The following SEMA4C variants were observed in gnomAD, a reference collection of about 807,000 sequenced individuals.
The protein encoded by SEMA4C is semaphorin 4C, also known as semaphorin-4C.
Under a neutral mutation model 89.0 loss-of-function variants are expected in SEMA4C, and 19 were observed. That is an observed-to-expected ratio of 0.21 (90% CI 0.15 to 0.31). The LOEUF (loss-of-function observed/expected upper bound fraction) is 0.31, where lower values mean the gene tolerates loss of function less well. SEMA4C is among the 10% of genes least tolerant of loss of function. The probability of loss-of-function intolerance (pLI) is 1.00; values close to 1 mark genes in which losing one functional copy is unlikely to be tolerated. For missense variants in SEMA4C, 811 were observed against 1,107.0 expected, an observed-to-expected ratio of 0.73 and a Z score of 3.79; for synonymous variants, 428 against 472.7, an observed-to-expected ratio of 0.91 and a Z score of 1.23.
intron 1 of SEMA4C, chr2:96,868,393 C>A: frequency 1.0e-6 from 1 of 1,002,746 alleles, no homozygotes; most frequent in South Asian, 4.2e-5. Flanking sequence ...GGTAGGCGGT[C>A]GGGAAAGCCC....
upstream of SEMA4C, chr2:96,870,124 T>TG (rs1039508994): frequency 6.1e-4 from 593 of 967,222 alleles, 4 homozygotes; most frequent in African/African-American, 8.0e-3. Flanking sequence ...GACGTCAGGC[T>TG]GGGGGGGTCG....
At chr2:96,867,411 T>C (rs2080100437) in intron 2 of SEMA4C, among the ~76,000 whole-genome samples, 1 of 152,106 alleles carries the variant, frequency 6.6e-6, no homozygotes, top group South Asian at 2.1e-4. Flanking sequence ...GTATGATGTG[T>C]ACAGGGCAGT....
chr2:96,869,506 C>T, intron 1 of SEMA4C: 1 of 985,266 alleles, frequency 1.0e-6, no homozygotes. Context: ...GAAATCCGAT[C>T]CCACAACATC....
At position 96,860,521 on chromosome 2, in the gene SEMA4C, C is replaced by T. The variant is rs2079915994; in HGVS notation, c.*105G>A. On this transcript the variant is annotated 3_prime_UTR_variant, in exon 15 of 15. Transcript: ENST00000305476. ...GGGTGGGTGCTGGGCAGTATCTGTC[C>T]CAGACAGAGCAGGTGCCCGTGCCAT... The T allele has an allele frequency of 4.8e-6, 5 of 1,046,754 alleles. No individual in the cohort carries two copies. The highest frequency in any genetic ancestry group is 6.9e-6 in the Non-Finnish European group (5 of 724,156). 64.8% of individuals were successfully genotyped at this position (1,046,754 alleles called of 1,614,324 possible). A position where few individuals can be genotyped will look rare whatever the true frequency, so the allele number is the denominator to read the frequency against.
rs185428881 is a variant in SEMA4C, at chr2:96,860,972, G to C, written c.2156C>G (p.Pro719Arg). The C allele has an allele frequency of 6.0e-5, 97 of 1,612,908 alleles. No homozygotes were observed. The highest frequency in any genetic ancestry group is 5.7e-4 in the Admixed American group (34 of 60,008). The change falls in exon 15 of 15, where the codon CCC becomes CGC. Residue 719 changes from proline (P) to arginine (R), a missense_variant. This residue lies in a region of SEMA4C where 248 missense variants were observed against 269.0 expected (regional missense o/e 0.92). Transcript: ENST00000305476. ...LELPKEPTSP[P>R]FRPCPEPDEK... ...ATCTGGTTCAGGACAGGGCCGGAAG[G>C]GGGGACTGGTGGGCTCCTTGGGCAG...
At position 96,861,108 on chromosome 2, in the gene SEMA4C, C is replaced by G. The variant is rs2079932022; in HGVS notation, c.2020G>C (p.Ala674Pro). ...LVWLAVVALGAVCLVLLLLVL... is the reference protein window; with the variant it reads ...LVWLAVVALGPVCLVLLLLVL... ...AGCAGCAGCAGCACCAGGCACACAG[C>G]CCCCAGGGCCACCACCGCCAGCCAC... Residue 674 changes from alanine (A) to proline (P), a missense_variant, in exon 15 of 15, where the codon GCT becomes CCT. Physicochemically the swap from Ala to Pro is conservative, Grantham distance 27. Coordinates refer to ENST00000305476, the MANE Select transcript of SEMA4C (RefSeq NM_017789.5). This position sits in a 1 kb window ranked among gnomAD's most constrained non-coding sequence, Gnocchi z 7.8. The G allele has an allele frequency of 6.2e-7, 1 of 1,611,812 alleles. No homozygotes were observed. Among genetic ancestry groups the G allele is most frequent in the South Asian group, 1.1e-5 (1 of 91,060 alleles).
chr2:96,869,488 G>T (rs1406115283), intron 1 of SEMA4C: 1 of 985,112 alleles, frequency 1.0e-6, no homozygotes, highest in Non-Finnish European at 1.2e-6. Context: ...GCGGGGGGCC[G>T]CGGCAGGGAA....
Position 96,864,358 on chromosome 2 carries a change from G to A in SEMA4C, c.987C>T (p.Ile329=), listed in dbSNP as rs776141025. 6.2e-7 allele frequency: 1 copy of A among 1,613,866 alleles called. No homozygotes were observed. The highest frequency in any genetic ancestry group is 1.3e-5 in the African/African-American group (1 of 75,034). Residue 329 remains isoleucine, a synonymous_variant, in exon 10 of 15, where the codon ATC becomes ATT. Coordinates refer to ENST00000305476, the MANE Select transcript of SEMA4C (RefSeq NM_017789.5). This position sits in a 1 kb window ranked among gnomAD's most constrained non-coding sequence, Gnocchi z 6.3. The part of the protein sequence containing the change: ...AQWGDMYLSA[I]CEYQLEEIQR... ...GGATCTCTTCCAACTGGTACTCACA[G>A]ATGGCCGACAGGTACATGTCACCCC...
rs571024427 is a variant in SEMA4C, at chr2:96,869,645, G to A, written c.-38+231C>T. The A allele has an allele frequency of 5.8e-4, 570 of 985,056 alleles. 9 individuals carry two copies. The South Asian group carries it at 0.023, about 40-fold the overall frequency. 61.0% of individuals were successfully genotyped at this position (985,056 alleles called of 1,614,324 possible). ...GAACCCTCGCTGGCGCGCCCCTCCG[G>A]CCCCGGGGCTGCGGGGCTGCAGGTG... On this transcript the variant is annotated intron_variant, in intron 1 of 14. Coordinates refer to ENST00000305476, the MANE Select transcript of SEMA4C (RefSeq NM_017789.5).
chr2:96,869,165 C>T, intron 1 of SEMA4C: 1 of 985,404 alleles, frequency 1.0e-6, no homozygotes, highest in Non-Finnish European at 1.2e-6. Context: ...AAAACGCCCG[C>T]GGCCTCATCT....
intron 2 of SEMA4C, 33 bp downstream of exon 2, chr2:96,867,745 C>T (rs760552612): frequency 1.9e-6 from 3 of 1,601,650 alleles, no homozygotes; most frequent in Non-Finnish European, 2.6e-6. Flanking sequence ...GCAGCCTGTC[C>T]CTGACTTCCT....
chr2:96,866,743 C>T (rs186415714), intron 2 of SEMA4C: 13 of 474,072 alleles, frequency 2.7e-5, no homozygotes, highest in East Asian at 9.2e-5. Context: ...CACCTCCGGC[C>T]GCAGGGCTGG....
chr2:96,861,852 G>A lies in SEMA4C; in HGVS notation c.1486C>T (p.Pro496Ser). Residue 496 changes from proline to serine, a missense_variant, in exon 13 of 15, where the codon CCC (proline) becomes TCC (serine). Coordinates refer to ENST00000305476, the MANE Select transcript of SEMA4C (RefSeq NM_017789.5). This position sits in a 1 kb window ranked among gnomAD's most constrained non-coding sequence, Gnocchi z 7.8. ...AGSRSQLVQL[P>S]VADCMKYRSC... ...CGATACTTCATGCAGTCGGCCACGG[G>A]CAGCTGCACCAGCTGAGAGCGGGAG... The A allele has an allele frequency of 6.2e-7, 1 of 1,612,498 alleles. No homozygotes were observed. The highest frequency in any genetic ancestry group is 8.5e-7 in the Non-Finnish European group (1 of 1,179,850).
intron 1 of SEMA4C, 44 bp from the exon 2 acceptor site, chr2:96,867,967 G>T (rs188517743): frequency 6.2e-7 from 1 of 1,604,806 alleles, no homozygotes; most frequent in Non-Finnish European, 8.5e-7. Context: ...GCCAGAGAAA[G>T]CAAACCAGAG....
At position 96,861,633 on chromosome 2, in the gene SEMA4C, G is replaced by A; in HGVS notation, c.1618C>T (p.His540Tyr). The A allele has an allele frequency of 6.3e-7, 1 of 1,578,392 alleles. No homozygotes were observed. ...CCTGAAGTGTCCGAGGTCATCACAT[G>A]CTGGATCAGTAGAGATCTGGTAGGG... ...GGHSGSLLIQ[H>Y]VMTSDTSGIC... Residue 540 changes from histidine (H) to tyrosine (Y), a missense_variant, in exon 14 of 15, where the codon CAT (histidine) becomes TAT (tyrosine). By Grantham distance (83) the His-to-Tyr change is moderately conservative (BLOSUM62 2). Around this residue, in one of 4 missense-constraint regions of SEMA4C, gnomAD observed 441 missense variants for 664.9 expected, o/e 0.66. Transcript: ENST00000305476. The surrounding 1 kb of genome is among the most constrained non-coding windows in gnomAD (Gnocchi z 7.8).
upstream of SEMA4C, chr2:96,870,202 A>C: frequency 2.0e-6 from 2 of 984,498 alleles, no homozygotes; most frequent in Non-Finnish European, 2.4e-6. Context: ...CGACCTGTGG[A>C]CCCGCCCGCT....
chr2:96,868,910 G>T (rs940012200), intron 1 of SEMA4C: 5 of 985,294 alleles, frequency 5.1e-6, no homozygotes, highest in Non-Finnish European at 6.0e-6. Context: ...GGCTTCCCCT[G>T]CTCCAGCCTT....
At chr2:96,869,294 G>T in intron 1 of SEMA4C, 1 of 985,382 alleles carries the variant, frequency 1.0e-6, no homozygotes, top group Non-Finnish European at 1.2e-6. Flanking sequence ...GGGAGGAGGG[G>T]TTGGGGGGAG....
chr2:96,867,424 G>A (rs1372949156), intron 2 of SEMA4C, among the ~76,000 whole-genome samples: 2 of 152,218 alleles, frequency 1.3e-5, no homozygotes, highest in Admixed American at 6.5e-5. Context: ...AGGGCAGTAG[G>A]AGGTCTTAGG....
Sources: allele counts gnomAD v4.1 joint callset (sites outside exome capture counted in the v4.1 genomes callset), GRCh38; gene constraint gnomAD v4.1.1; regional missense constraint gnomAD v4.1.1; non-coding constraint Gnocchi (gnomAD v3.1); transcripts MANE v1.5; gene names NCBI Gene and HGNC (gene_info 2026-07-23, HGNC 2026-07-21).